LY86: variants seen among roughly 807,000 people sequenced by gnomAD.
LY86 encodes lymphocyte antigen 86, also known as MD-1, RP105-associated.
In LY86, 20 loss-of-function variants were observed where a neutral mutation model predicts 17.3. The observed-to-expected ratio is 1.15, with a 90% CI of 0.81 to 1.68. The LOEUF is 1.68. LY86 is among the 40% of genes most tolerant of loss of function. LY86 has a pLI of 0.00. For synonymous variants in LY86, 74 were observed against 70.6 expected (o/e 1.05, Z -0.24); for missense variants, 200 against 191.9 (o/e 1.04, Z -0.25).
At chr6:6,599,553 C>G (rs1760832919) in intron 1 of LY86, among the ~76,000 whole-genome samples, 2 of 152,212 alleles carry the variant, frequency 1.3e-5, no homozygotes, top group Admixed American at 1.3e-4. Flanking sequence ...TTGACAGTGT[C>G]TGCCTTGCGG....
chr6:6,592,493 G>T (rs772632255), intron 1 of LY86, among the ~76,000 whole-genome samples: 2 of 152,176 alleles, frequency 1.3e-5, no homozygotes, highest in Non-Finnish European at 2.9e-5. Context: ...ATGATTGGAA[G>T]GGGAAATAAG....
intron 1 of LY86, among the ~76,000 whole-genome samples, chr6:6,599,727 A>G (rs6922158): frequency 0.91 from 137,814 of 152,260 alleles, 62,419 homozygotes; most frequent in Middle Eastern, 0.98. Context: ...AGGCAAGATA[A>G]AGAGCCTCAG....
intron 3 of LY86, among the ~76,000 whole-genome samples, chr6:6,645,070 G>A (rs919692639): frequency 2.0e-5 from 3 of 152,008 alleles, no homozygotes; most frequent in Admixed American, 1.3e-4. Flanking sequence ...AGCAAACCCC[G>A]GGAGCATTAA....
chr6:6,607,062 G>T (rs892931043), intron 1 of LY86, among the ~76,000 whole-genome samples: 1 of 152,274 alleles, frequency 6.6e-6, no homozygotes, highest in African/African-American at 2.4e-5. Flanking sequence ...CTAGGAGGGG[G>T]TCCCTGGGGC....
chr6:6,601,806 T>C (rs1209469416), intron 1 of LY86, among the ~76,000 whole-genome samples: 1 of 152,216 alleles, frequency 6.6e-6, no homozygotes, highest in African/African-American at 2.4e-5. Context: ...AACTGCTGTT[T>C]CCCTCCATCT....
chr6:6,601,117 T>C (rs913437724), intron 1 of LY86, among the ~76,000 whole-genome samples: 6 of 152,154 alleles, frequency 3.9e-5, no homozygotes, highest in African/African-American at 4.8e-5. Flanking sequence ...CTAACAAAAA[T>C]GTGCCTGAGG....
At chr6:6,636,841 C>T (rs1037102939) in intron 3 of LY86, among the ~76,000 whole-genome samples, 6 of 147,844 alleles carry the variant, frequency 4.1e-5, no homozygotes, top group Non-Finnish European at 8.9e-5. Context: ...GCAGAATCAC[C>T]AAAAACAATG....
intron 4 of LY86, among the ~76,000 whole-genome samples, chr6:6,651,368 C>A (rs1348151377): frequency 6.6e-6 from 1 of 152,194 alleles, no homozygotes; most frequent in African/African-American, 2.4e-5. Flanking sequence ...TGTCAGAGTG[C>A]CATCTTGCTA....
chr6:6,654,961 G>C lies in LY86; in HGVS notation c.*334G>C. On this transcript the variant is annotated 3_prime_UTR_variant, in exon 5 of 5. Transcript: ENST00000230568. ...AGGAGTGCTTCCTCACAGTTACCAA[G>C]AATAAAGAAAGCTGGCCACCATTGT... is the stretch of plus-strand genomic sequence containing the variant. The C allele has an allele frequency of 3.9e-6, 1 of 258,710 alleles. No homozygotes were observed. The highest frequency in any genetic ancestry group is 7.3e-6 in the Non-Finnish European group (1 of 136,968). 16.0% of individuals were successfully genotyped at this position (258,710 alleles called of 1,614,324 possible).
intron 3 of LY86, among the ~76,000 whole-genome samples, chr6:6,630,452 TCTC>T (rs1407160538): frequency 6.6e-6 from 1 of 152,244 alleles, no homozygotes; most frequent in African/African-American, 2.4e-5. Context: ...GGTCCTTCTG[TCTC>T]CTCTGATAGT....
At chr6:6,589,521 G>A (rs1760459904) in intron 1 of LY86, among the ~76,000 whole-genome samples, 4 of 152,224 alleles carry the variant, frequency 2.6e-5, no homozygotes. Flanking sequence ...AGAATGCAGT[G>A]AACTGTGGTA....
At chr6:6,649,513 T>A in intron 3 of LY86, 112 bp from the exon 4 acceptor site, 7 of 659,474 alleles carry the variant, frequency 1.1e-5, no homozygotes, top group Admixed American at 2.9e-5. Flanking sequence ...CAATAGCTGC[T>A]CTTATTTTGG....
At chr6:6,594,435 T>C (rs1472671477) in intron 1 of LY86, among the ~76,000 whole-genome samples, 1 of 126,724 alleles carries the variant, frequency 7.9e-6, no homozygotes, top group Admixed American at 8.8e-5. Context: ...CCCATTCTTT[T>C]AGATGTTGTT....
At chr6:6,638,156 G>A (rs1761987732) in intron 3 of LY86, among the ~76,000 whole-genome samples, 1 of 152,084 alleles carries the variant, frequency 6.6e-6, no homozygotes, top group South Asian at 2.1e-4. Context: ...AGTACTAGGA[G>A]CATGGCCAGT....
chr6:6,605,878 C>T (rs375880044), intron 1 of LY86, among the ~76,000 whole-genome samples: 20 of 148,886 alleles, frequency 1.3e-4, no homozygotes, highest in African/African-American at 3.9e-4. Flanking sequence ...CTCTTCGTTT[C>T]TCGCGGTGGG....
At chr6:6,654,418 T>A in intron 4 of LY86, 126 bp from the exon 5 acceptor site, 1 of 709,384 alleles carries the variant, frequency 1.4e-6, no homozygotes, top group Admixed American at 2.4e-5. Flanking sequence ...TTGGCTTGTC[T>A]TGTTCTACGT....
In LY86 at chr6:6,649,131, C is replaced by T. The variant is rs145724233; in HGVS notation, c.353-494C>T. Among the ~76,000 whole-genome samples, 12 of 152,332 alleles carry T rather than the reference C, an allele frequency of 7.9e-5. No individual in the cohort carries two copies. In the East Asian group the frequency reaches 1.3e-3, roughly 17 times the overall value. Reference sequence around the variant, plus strand: ...GTGGAAGACAAAGGAGGAGCAAAGGCACATCTTATACGGTGGCAGGCAAGA... The same window carrying T: ...GTGGAAGACAAAGGAGGAGCAAAGGTACATCTTATACGGTGGCAGGCAAGA... On this transcript the variant is annotated intron_variant, in intron 3 of 4. Transcript: ENST00000230568.
chr6:6,632,484 T>C lies in LY86; in HGVS notation c.352+6063T>C, dbSNP rs76492285. On this transcript the variant is annotated intron_variant, in intron 3 of 4. Coordinates refer to ENST00000230568, the MANE Select transcript of LY86 (RefSeq NM_004271.4). ...GGCTTCCTCCCCTACCCGAGGGACC[T>C]TGAGGCAGAGGGTTGGAGCATTTTG... Among the ~76,000 whole-genome samples the C allele has an allele frequency of 1.2e-3, 182 of 152,306 alleles. 6 individuals are homozygous for C. The East Asian group carries it at 0.031, about 26-fold the overall frequency.
chr6:6,595,871 C>A (rs1760697170), intron 1 of LY86, among the ~76,000 whole-genome samples: 1 of 152,144 alleles, frequency 6.6e-6, no homozygotes, highest in South Asian at 2.1e-4. Context: ...GGGGAGGAAG[C>A]CCTATTCAGC....
Sources: allele counts gnomAD v4.1 joint callset (sites outside exome capture counted in the v4.1 genomes callset), GRCh38; gene constraint gnomAD v4.1.1; transcripts MANE v1.5; gene names NCBI Gene and HGNC (gene_info 2026-07-23, HGNC 2026-07-21).